Variants in RARB observed in about 807,000 individuals in gnomAD.
The protein encoded by RARB is retinoic acid receptor beta, also known as HBV-activated protein.
A neutral mutation model predicts 51.9 loss-of-function variants in RARB; 17 were observed. The observed-to-expected ratio is 0.33, with a 90% CI of 0.22 to 0.49. The LOEUF (loss-of-function observed/expected upper bound fraction) is 0.49, where lower values mean the gene tolerates loss of function less well. Among genes scored for constraint, RARB ranks in the 20% least tolerant of loss-of-function variants. The pLI, the probability that RARB is intolerant of heterozygous loss-of-function variation, is 0.99. For missense variants in RARB, 369 were observed against 550.8 expected (o/e 0.67, Z 3.30); for synonymous variants, 215 against 195.4 (o/e 1.10, Z -0.84).
intron 2 of RARB, among the ~76,000 whole-genome samples, chr3:25,040,162 G>C (rs933189293): frequency 6.6e-6 from 1 of 152,180 alleles, no homozygotes; most frequent in African/African-American, 2.4e-5. Context: ...CAACAGAGAC[G>C]AAATGAAGTG....
chr3:24,984,410 T>C (rs556886861), intron 2 of RARB, among the ~76,000 whole-genome samples: 1 of 152,320 alleles, frequency 6.6e-6, no homozygotes, highest in African/African-American at 2.4e-5. Context: ...TAGGAAAGGA[T>C]AGGAAAAGAG....
intron 4 of RARB, among the ~76,000 whole-genome samples, chr3:25,150,035 C>T (rs917354753): frequency 3.3e-5 from 5 of 151,890 alleles, no homozygotes; most frequent in African/African-American, 9.7e-5. Flanking sequence ...AACCCTGTCT[C>T]TACTAAAAAT....
intron 2 of RARB, among the ~76,000 whole-genome samples, chr3:24,994,039 G>A (rs931229319): frequency 5.3e-5 from 8 of 152,080 alleles, no homozygotes; most frequent in Non-Finnish European, 1.2e-4. Flanking sequence ...AATTGCTGGG[G>A]CATATGGTGG....
intron 2 of RARB, among the ~76,000 whole-genome samples, chr3:25,022,768 G>A (rs1697665519): frequency 6.6e-6 from 1 of 152,192 alleles, no homozygotes. Flanking sequence ...TCCAGGAAGA[G>A]GGAATGGCAT....
At chr3:24,864,504 C>T (rs147061118) in intron 2 of RARB, among the ~76,000 whole-genome samples, 2,496 of 152,252 alleles carry the variant, frequency 0.016, 28 homozygotes, top group Non-Finnish European at 0.023. Flanking sequence ...ATACTTCCAG[C>T]CCTGCTGTTT....
intron 2 of RARB, among the ~76,000 whole-genome samples, chr3:24,990,988 G>A (rs999388565): frequency 1.3e-5 from 2 of 152,144 alleles, no homozygotes; most frequent in Non-Finnish European, 2.9e-5. Context: ...TGTGAATGGA[G>A]TCATTTTAAA....
At chr3:25,207,411 A>G (rs1011809167) in intron 5 of RARB, among the ~76,000 whole-genome samples, 1 of 152,192 alleles carries the variant, frequency 6.6e-6, no homozygotes, top group African/African-American at 2.4e-5. Context: ...TGGGACATGT[A>G]GTCACATCTT....
chr3:25,264,280 A>G (rs1288678910), intron 5 of RARB, among the ~76,000 whole-genome samples: 2 of 152,198 alleles, frequency 1.3e-5, no homozygotes, highest in Non-Finnish European at 2.9e-5. Flanking sequence ...GGATACCGTC[A>G]TCCCAGTATG....
At chr3:25,587,312 C>G (rs1701430092) in intron 5 of RARB, among the ~76,000 whole-genome samples, 1 of 151,898 alleles carries the variant, frequency 6.6e-6, no homozygotes, top group African/African-American at 2.4e-5. Flanking sequence ...AGTTCAGCAG[C>G]TGCGAGGCAG....
rs77650105 is a variant in RARB, at chr3:25,100,952, C to G, written c.-327-31209C>G. 5.1e-4 allele frequency among the ~76,000 whole-genome samples: 78 copies of G among 152,230 alleles called. No homozygotes were observed. In the East Asian group the frequency reaches 0.014, roughly 27 times the overall value. On this transcript the variant is annotated intron_variant, in intron 3 of 11. Coordinates refer to the RARB transcript ENST00000383772. ...CTTAGCCCTACACTCGGAGCTGAGG[C>G]ACAAATCATGCAATTGAAATCATGG...
intron 5 of RARB, among the ~76,000 whole-genome samples, chr3:25,254,382 T>C (rs1474091971): frequency 1.3e-5 from 2 of 152,198 alleles, no homozygotes; most frequent in Non-Finnish European, 2.9e-5. Flanking sequence ...GTATTACTAA[T>C]TGATTTCTTG....
At chr3:25,427,695 G>A (rs892161187), upstream of RARB, among the ~76,000 whole-genome samples, 1 of 152,168 alleles carries the variant, frequency 6.6e-6, no homozygotes, top group African/African-American at 2.4e-5. Context: ...GCAAGAGGGA[G>A]AAAGAGAAAA....
At chr3:25,200,370 A>G (rs1487730475) in intron 5 of RARB, among the ~76,000 whole-genome samples, 1 of 151,806 alleles carries the variant, frequency 6.6e-6, no homozygotes, top group African/African-American at 2.4e-5. Flanking sequence ...AGATTGCAAA[A>G]ATTTTCTCCC....
At chr3:25,279,577 A>AT (rs1703472941) in intron 5 of RARB, among the ~76,000 whole-genome samples, 2 of 151,150 alleles carry the variant, frequency 1.3e-5, no homozygotes, top group Non-Finnish European at 1.5e-5. Context: ...CTACTGATCT[A>AT]TTAAAAAAAA....
intron 5 of RARB, among the ~76,000 whole-genome samples, chr3:25,302,321 G>A (rs1324832379): frequency 6.6e-6 from 1 of 152,178 alleles, no homozygotes; most frequent in Non-Finnish European, 1.5e-5. Context: ...AACCTAGAAT[G>A]TGAAAGTTCT....
At chr3:24,930,826 T>G (rs1695422156) in intron 2 of RARB, among the ~76,000 whole-genome samples, 1 of 152,138 alleles carries the variant, frequency 6.6e-6, no homozygotes, top group Admixed American at 6.5e-5. Context: ...CTGGGCAACA[T>G]AGTGAGATGG....
intron 3 of RARB, among the ~76,000 whole-genome samples, chr3:25,526,621 A>G (rs1698661877): frequency 6.6e-6 from 1 of 152,234 alleles, no homozygotes; most frequent in Admixed American, 6.5e-5. Context: ...AACATTAAAT[A>G]GCACATAAAA....
intron 6 of RARB, 27 bp from the exon 7 acceptor site, chr3:25,594,493 G>A (rs762628792): frequency 1.9e-6 from 3 of 1,576,656 alleles, no homozygotes; most frequent in South Asian, 2.4e-5. Flanking sequence ...TCCTGATTTT[G>A]TTTAATACTT....
At chr3:25,281,263 G>C (rs1413415804) in intron 5 of RARB, among the ~76,000 whole-genome samples, 1 of 152,138 alleles carries the variant, frequency 6.6e-6, no homozygotes, top group African/African-American at 2.4e-5. Flanking sequence ...TAGTCACAAA[G>C]GGCCATCTCG....
Sources: allele counts gnomAD v4.1 joint callset (sites outside exome capture counted in the v4.1 genomes callset), GRCh38; gene constraint gnomAD v4.1.1; transcripts MANE v1.5; gene names NCBI Gene and HGNC (gene_info 2026-07-23, HGNC 2026-07-21).